FOXJ3: variants seen among roughly 807,000 people sequenced by gnomAD.
FOXJ3 encodes the protein forkhead box protein J3.
In FOXJ3, 22 loss-of-function variants were observed where a neutral mutation model predicts 76.1. The observed-to-expected ratio is 0.29, with a 90% CI of 0.21 to 0.41. The LOEUF (loss-of-function observed/expected upper bound fraction) is 0.41, where lower values mean the gene tolerates loss of function less well. Ranked by LOEUF, FOXJ3 falls within the 10% of genes least tolerant of loss-of-function variation. The pLI, the probability that FOXJ3 is intolerant of heterozygous loss-of-function variation, is 1.00. For missense variants in FOXJ3, 613 were observed against 762.1 expected, an observed-to-expected ratio of 0.80 and a Z score of 2.30; for synonymous variants, 269 against 261.2, an observed-to-expected ratio of 1.03 and a Z score of -0.29.
At chr1:42,311,877 TAAATA>T (rs1431962337) in intron 1 of FOXJ3, among the ~76,000 whole-genome samples, 1 of 152,188 alleles carries the variant, frequency 6.6e-6, no homozygotes, top group Non-Finnish European at 1.5e-5. Flanking sequence ...TTGTTAGAAT[TAAATA>T]AATCAACAAA....
At chr1:42,332,411 T>A (rs371331938) in intron 1 of FOXJ3, among the ~76,000 whole-genome samples, 27 of 152,348 alleles carry the variant, frequency 1.8e-4, no homozygotes, top group African/African-American at 5.5e-4. Flanking sequence ...GAAGATTTAA[T>A]GAATTAAACA....
chr1:42,264,660 C>T (rs901796459), intron 4 of FOXJ3, among the ~76,000 whole-genome samples: 1 of 151,948 alleles, frequency 6.6e-6, no homozygotes, highest in Non-Finnish European at 1.5e-5. Context: ...ACGCTAAAAA[C>T]GTGAAAAATG....
intron 4 of FOXJ3, among the ~76,000 whole-genome samples, chr1:42,242,135 T>C (rs551656592): frequency 6.6e-6 from 1 of 152,036 alleles, no homozygotes; most frequent in East Asian, 1.9e-4. Context: ...CCCTAGGAAA[T>C]TCAATCTAAA....
intron 2 of FOXJ3, among the ~76,000 whole-genome samples, chr1:42,294,157 A>C (rs1027367006): frequency 6.6e-6 from 1 of 152,180 alleles, no homozygotes; most frequent in Non-Finnish European, 1.5e-5. Flanking sequence ...ATACCCAATG[A>C]TCATAAGGAA....
chr1:42,313,782 C>T (rs146979069), intron 1 of FOXJ3, among the ~76,000 whole-genome samples: 1 of 152,266 alleles, frequency 6.6e-6, no homozygotes, highest in Non-Finnish European at 1.5e-5. Context: ...TGGTTTCGTA[C>T]ACAGCAGAGC....
intron 2 of FOXJ3, among the ~76,000 whole-genome samples, chr1:42,284,657 C>T (rs1652937156): frequency 6.6e-6 from 1 of 152,190 alleles, no homozygotes; most frequent in Admixed American, 6.5e-5. Flanking sequence ...CCTTACCACA[C>T]AAAGGTAATG....
Position 42,200,541 on chromosome 1 carries a change from C to T in FOXJ3, c.631-1311G>A, listed in dbSNP as rs560299260. ...TCGCCTAGGCTGGAGTGCAATGGTG[C>T]GATCTCGGCTCACTGCAACCTCTGT... On this transcript the variant is annotated intron_variant, in intron 6 of 12. Transcript: ENST00000361346. 3.9e-5 allele frequency among the ~76,000 whole-genome samples: 6 copies of T among 152,186 alleles called. No homozygotes were observed. The East Asian group carries it at 9.7e-4, about 25-fold the overall frequency.
chr1:42,255,451 G>A (rs1650508204), intron 4 of FOXJ3, among the ~76,000 whole-genome samples: 1 of 152,098 alleles, frequency 6.6e-6, no homozygotes. Context: ...CAGAAATAAA[G>A]CAACGTTAAG....
intron 4 of FOXJ3, among the ~76,000 whole-genome samples, chr1:42,256,961 T>C (rs1278470499): frequency 6.6e-6 from 1 of 152,186 alleles, no homozygotes; most frequent in Non-Finnish European, 1.5e-5. Context: ...TGAGTATATA[T>C]TGAATGATTC....
chr1:42,244,600 T>C (rs1478294588), intron 4 of FOXJ3, among the ~76,000 whole-genome samples: 1 of 152,032 alleles, frequency 6.6e-6, no homozygotes, highest in Non-Finnish European at 1.5e-5. Flanking sequence ...AACTAAAAGT[T>C]GGTTTTTTGA....
intron 6 of FOXJ3, among the ~76,000 whole-genome samples, chr1:42,203,904 G>C (rs891254405): frequency 2.0e-5 from 3 of 151,562 alleles, no homozygotes; most frequent in Non-Finnish European, 4.4e-5. Context: ...GCTGAGGCAG[G>C]AGAATTGCTT....
intron 2 of FOXJ3, among the ~76,000 whole-genome samples, chr1:42,285,386 T>G (rs1476312899): frequency 6.6e-6 from 1 of 151,648 alleles, no homozygotes; most frequent in South Asian, 2.1e-4. Context: ...CTGAGGTAAG[T>G]AGAGTACAAA....
chr1:42,260,340 T>C (rs1005192798), intron 4 of FOXJ3, among the ~76,000 whole-genome samples: 3 of 152,108 alleles, frequency 2.0e-5, no homozygotes, highest in African/African-American at 7.2e-5. Flanking sequence ...AGAATACCCT[T>C]TGAAAAGAAA....
chr1:42,279,282 G>A (rs928085210), intron 2 of FOXJ3, among the ~76,000 whole-genome samples: 6 of 152,078 alleles, frequency 3.9e-5, no homozygotes, highest in South Asian at 2.1e-4. Flanking sequence ...GGAGTTGACC[G>A]AAAAAAGGAA....
chr1:42,188,850 G>A lies in FOXJ3; in HGVS notation c.1532C>T (p.Ser511Phe), dbSNP rs772784481. 1.2e-6 allele frequency: 2 copies of A among 1,613,078 alleles called. No homozygotes were observed. The highest frequency in any genetic ancestry group is 1.7e-6 in the Non-Finnish European group (2 of 1,179,318). The change falls in exon 11 of 13, where the codon TCT (serine) becomes TTT (phenylalanine). Residue 511 changes from serine (S) to phenylalanine (F), a missense_variant. Physicochemically the swap from Ser to Phe is radical, Grantham distance 155. Coordinates refer to ENST00000361346, the MANE Select transcript of FOXJ3 (RefSeq NM_014947.5). ...AGTTTGTGTAAAGAACTGATTAAGA[G>A]AAGAACAAAGATCGGCAAACTGAAC... The part of the protein sequence containing the change: ...DQVQFADLCS[S>F]LNQFFTQTGL...
chr1:42,250,176 A>C (rs1191410073), intron 4 of FOXJ3, among the ~76,000 whole-genome samples: 1 of 152,232 alleles, frequency 6.6e-6, no homozygotes, highest in Non-Finnish European at 1.5e-5. Flanking sequence ...AAAGTGACAT[A>C]GTATTTTAGG....
chr1:42,292,873 G>A (rs1653532907), intron 2 of FOXJ3, among the ~76,000 whole-genome samples: 1 of 152,150 alleles, frequency 6.6e-6, no homozygotes, highest in South Asian at 2.1e-4. Context: ...GGCTAAGGTG[G>A]GCAGATTGCT....
chr1:42,290,581 C>G (rs1653353247), intron 2 of FOXJ3, among the ~76,000 whole-genome samples: 1 of 152,154 alleles, frequency 6.6e-6, no homozygotes, highest in South Asian at 2.1e-4. Context: ...CCTTCTTATT[C>G]TTCTTTATTC....
At chr1:42,208,712 A>ACTAGAG (rs2124342500) in intron 5 of FOXJ3, among the ~76,000 whole-genome samples, 1 of 152,294 alleles carries the variant, frequency 6.6e-6, no homozygotes, top group African/African-American at 2.4e-5. Flanking sequence ...AAGAGAAGGA[A>ACTAGAG]CTAGAGATGC....
Sources: gnomAD v4.1 joint callset for allele counts (sites outside exome capture counted in the v4.1 genomes callset) on GRCh38, gnomAD v4.1.1 for gene constraint, MANE v1.5 for transcripts, NCBI Gene and HGNC (gene_info 2026-07-23, HGNC 2026-07-21) for gene names.